Variants in DNER observed in about 807,000 individuals in gnomAD.
DNER encodes delta/notch like EGF repeat containing.
In DNER, 33 loss-of-function variants were observed where a neutral mutation model predicts 78.2. The observed-to-expected ratio is 0.42, with a 90% confidence interval of 0.32 to 0.56. The LOEUF (loss-of-function observed/expected upper bound fraction) is 0.56, where lower values mean the gene tolerates loss of function less well. Among genes scored for constraint, DNER ranks in the 20% least tolerant of loss-of-function variants. DNER has a pLI of 0.11. For synonymous variants in DNER, 417 were observed against 384.8 expected (o/e 1.08, Z -0.98); for missense variants, 918 against 975.3 (o/e 0.94, Z 0.78).
intron 11 of DNER, among the ~76,000 whole-genome samples, chr2:229,387,265 G>C (rs1207205549): frequency 2.6e-5 from 4 of 152,020 alleles, no homozygotes; most frequent in African/African-American, 9.7e-5. Flanking sequence ...TCATAAGTGG[G>C]AGCTCAACAA....
intron 6 of DNER, among the ~76,000 whole-genome samples, chr2:229,497,004 C>T (rs1294359701): frequency 2.0e-5 from 3 of 152,156 alleles, no homozygotes; most frequent in Admixed American, 2.0e-4. Context: ...CATATACATT[C>T]TTCTCAAGCC....
intron 9 of DNER, among the ~76,000 whole-genome samples, chr2:229,407,917 T>G (rs1279835004): frequency 6.6e-6 from 1 of 152,138 alleles, no homozygotes; most frequent in Non-Finnish European, 1.5e-5. Context: ...ATTTTACAGA[T>G]GAGGAAACTG....
At chr2:229,375,209 G>A (rs967623659) in intron 11 of DNER, among the ~76,000 whole-genome samples, 1 of 152,190 alleles carries the variant, frequency 6.6e-6, no homozygotes, top group African/African-American at 2.4e-5. Flanking sequence ...GAGACTTTTA[G>A]TTGTTCAAAG....
intron 1 of DNER, among the ~76,000 whole-genome samples, chr2:229,608,401 C>T (rs1438742072): frequency 1.3e-5 from 2 of 152,184 alleles, no homozygotes; most frequent in African/African-American, 2.4e-5. Flanking sequence ...TGGCTGTTTG[C>T]TGAAAGTTTG....
chr2:229,530,522 A>T (rs888020611), intron 5 of DNER, among the ~76,000 whole-genome samples: 1 of 152,258 alleles, frequency 6.6e-6, no homozygotes, highest in African/African-American at 2.4e-5. Flanking sequence ...CAGAAATTGC[A>T]TGGAAACGAA....
intron 7 of DNER, among the ~76,000 whole-genome samples, chr2:229,470,537 A>G (rs748619508): frequency 1.1e-4 from 16 of 152,208 alleles, no homozygotes; most frequent in Non-Finnish European, 1.9e-4. Flanking sequence ...AAAATTAATG[A>G]ATTGTGTGCC....
At chr2:229,586,099 A>T in intron 3 of DNER, 75 bp from the exon 4 acceptor site, 1 of 1,484,984 alleles carries the variant, frequency 6.7e-7, no homozygotes, top group Non-Finnish European at 9.0e-7. Flanking sequence ...TCAAATTAAA[A>T]ATAAATACAA....
At chr2:229,486,967 T>A (rs1195785730) in intron 6 of DNER, among the ~76,000 whole-genome samples, 1 of 152,208 alleles carries the variant, frequency 6.6e-6, no homozygotes. Context: ...ATGCTAGAGT[T>A]TGAAAACCAC....
chr2:229,368,771 T>A (rs1692408937), intron 11 of DNER, among the ~76,000 whole-genome samples: 1 of 152,192 alleles, frequency 6.6e-6, no homozygotes, highest in Admixed American at 6.5e-5. Flanking sequence ...AGAACTGACA[T>A]CACTTGGAGT....
At chr2:229,516,458 C>G (rs73103795) in intron 5 of DNER, among the ~76,000 whole-genome samples, 2,420 of 152,256 alleles carry the variant, frequency 0.016, 62 homozygotes, top group African/African-American at 0.054. Flanking sequence ...AAATTAGCAG[C>G]TTAGCTAAAT....
chr2:229,388,628 TATATATATATATATATATAG>T (rs1692952779), intron 10 of DNER, among the ~76,000 whole-genome samples: 1 of 88,424 alleles, frequency 1.1e-5, no homozygotes, highest in African/African-American at 4.9e-5. Context: ...TATATATATA[TATATATATATATATATATAG>T]CACTGGTAAA....
At chr2:229,434,136 C>T (rs1694072605) in intron 8 of DNER, among the ~76,000 whole-genome samples, 1 of 152,108 alleles carries the variant, frequency 6.6e-6, no homozygotes, top group Admixed American at 6.5e-5. Context: ...GGGATTATTC[C>T]AGAAAATTTT....
Position 229,714,518 on chromosome 2 carries a change from C to T in DNER, c.-95G>A. The T allele has an allele frequency of 9.5e-7, 1 of 1,056,206 alleles. No individual in the cohort carries two copies. Among genetic ancestry groups the T allele is most frequent in the Non-Finnish European group, 1.1e-6 (1 of 877,292 alleles). 65.4% of individuals were successfully genotyped at this position (1,056,206 alleles called of 1,614,324 possible). On this transcript the variant is annotated 5_prime_UTR_variant, in exon 1 of 13. Transcript: ENST00000341772. ...AGAGCTGCGAGAGCGACGGTGGCGG[C>T]TAGGGCTGCTCCGCCGGGCCGGGCG...
chr2:229,654,816 T>G (rs748147254), intron 1 of DNER, among the ~76,000 whole-genome samples: 1 of 152,204 alleles, frequency 6.6e-6, no homozygotes, highest in Non-Finnish European at 1.5e-5. Flanking sequence ...CCATACACTT[T>G]TATTGAGCAC....
chr2:229,660,886 A>T (rs569952864), intron 1 of DNER, among the ~76,000 whole-genome samples: 1 of 152,332 alleles, frequency 6.6e-6, no homozygotes, highest in Non-Finnish European at 1.5e-5. Context: ...AAAACTGTGG[A>T]GTTTGTTGAA....
At chr2:229,660,049 C>G (rs758775354) in intron 1 of DNER, among the ~76,000 whole-genome samples, 10 of 152,118 alleles carry the variant, frequency 6.6e-5, no homozygotes, top group Non-Finnish European at 1.5e-4. Flanking sequence ...TTGGACTGTG[C>G]TCTGGCCCAT....
At chr2:229,652,669 G>A (rs951829624) in intron 1 of DNER, among the ~76,000 whole-genome samples, 4 of 152,190 alleles carry the variant, frequency 2.6e-5, no homozygotes, top group African/African-American at 7.2e-5. Context: ...GCAGCAATGT[G>A]GAAGACAGTA....
intron 1 of DNER, among the ~76,000 whole-genome samples, chr2:229,672,002 A>G (rs1699217204): frequency 6.6e-6 from 1 of 152,198 alleles, no homozygotes; most frequent in South Asian, 2.1e-4. Context: ...GATAAAAGAA[A>G]GGGAGAATTA....
chr2:229,573,656 A>G (rs1046528773), intron 4 of DNER, among the ~76,000 whole-genome samples: 6 of 152,224 alleles, frequency 3.9e-5, no homozygotes, highest in Admixed American at 2.6e-4. Context: ...GTAGTGGAAA[A>G]GCAAAAGGAT....
Sources: allele counts gnomAD v4.1 joint callset (sites outside exome capture counted in the v4.1 genomes callset), GRCh38; gene constraint gnomAD v4.1.1; transcripts MANE v1.5; gene names NCBI Gene and HGNC (gene_info 2026-07-23, HGNC 2026-07-21).